The following ATP11A variants were observed in gnomAD, a reference collection of about 807,000 sequenced individuals.
The protein encoded by ATP11A is ATPase phospholipid transporting 11A, also known as phospholipid-transporting ATPase IH.
ATP11A carries 81 observed loss-of-function variants against 154.4 expected under a neutral mutation model. The ratio of observed to expected loss-of-function variants is 0.52; its 90% confidence interval spans 0.44 to 0.63. The LOEUF is 0.63. ATP11A is among the 30% of genes least tolerant of loss of function. The probability of loss-of-function intolerance (pLI) is 0.00; values close to 1 mark genes in which losing one functional copy is unlikely to be tolerated. For missense variants in ATP11A, 1,316 were observed against 1,474.3 expected (o/e 0.89, Z 1.76); for synonymous variants, 623 against 585.9 (o/e 1.06, Z -0.91).
At chr13:112,783,075 A>C (rs2140017033) in intron 1 of ATP11A, among the ~76,000 whole-genome samples, 1 of 152,302 alleles carries the variant, frequency 6.6e-6, no homozygotes, top group Non-Finnish European at 1.5e-5. Context: ...ATTGCAGGTG[A>C]ATTACCGATG....
intron 1 of ATP11A, among the ~76,000 whole-genome samples, chr13:112,728,376 G>A (rs1890112509): frequency 6.6e-6 from 1 of 150,828 alleles, no homozygotes; most frequent in African/African-American, 2.4e-5. Context: ...GTCCACGTGT[G>A]GAGGGGCCAT....
At chr13:112,866,025 G>T (rs1185561170) in intron 25 of ATP11A, among the ~76,000 whole-genome samples, 2 of 152,366 alleles carry the variant, frequency 1.3e-5, no homozygotes, top group Middle Eastern at 3.4e-3. Context: ...CCTCTGTGAT[G>T]AGTAGATTTG....
chr13:112,856,211 C>G, intron 20 of ATP11A, 126 bp downstream of exon 20: 1 of 950,436 alleles, frequency 1.1e-6, no homozygotes, highest in African/African-American at 1.7e-5. Context: ...AAAATAGAAG[C>G]AACCGTGATA....
chr13:112,723,587 T>C (rs1199610749), intron 1 of ATP11A, among the ~76,000 whole-genome samples: 1 of 151,348 alleles, frequency 6.6e-6, no homozygotes, highest in African/African-American at 2.4e-5. Flanking sequence ...GTATTCTGTT[T>C]GTTTTATGAT....
At chr13:112,760,633 T>C (rs1322433027) in intron 1 of ATP11A, among the ~76,000 whole-genome samples, 2 of 152,346 alleles carry the variant, frequency 1.3e-5, no homozygotes, top group East Asian at 3.9e-4. Flanking sequence ...CTGTTCCCTC[T>C]TCTTGCTCAG....
chr13:112,860,514 G>A (rs2080070813), intron 24 of ATP11A, 100 bp downstream of exon 24: 2 of 1,419,810 alleles, frequency 1.4e-6, no homozygotes, highest in East Asian at 4.6e-5. Context: ...TCAGTTGAGG[G>A]CCAGAAGCAT....
chr13:112,726,083 G>C (rs1164832525), intron 1 of ATP11A, among the ~76,000 whole-genome samples: 1 of 152,290 alleles, frequency 6.6e-6, no homozygotes, highest in African/African-American at 2.4e-5. Flanking sequence ...TCCTTGAAAA[G>C]AGGAGGCTTC....
intron 17 of ATP11A, among the ~76,000 whole-genome samples, chr13:112,849,366 A>G (rs2079698158): frequency 6.6e-6 from 1 of 152,140 alleles, no homozygotes; most frequent in South Asian, 2.1e-4. Flanking sequence ...TAGCAGGAGG[A>G]ATAGAGAAAA....
chr13:112,806,910 C>T (rs968913865), intron 4 of ATP11A, among the ~76,000 whole-genome samples: 11 of 152,210 alleles, frequency 7.2e-5, no homozygotes, highest in Non-Finnish European at 1.5e-4. Context: ...GTGACTGGCT[C>T]TTTCACTCAG....
chr13:112,697,754 A>C lies in ATP11A; in HGVS notation c.39+7299A>C, dbSNP rs1266085064. 1.0e-5 allele frequency among the ~76,000 whole-genome samples: 1 copy of C among 97,202 alleles called. No homozygotes were observed. Among genetic ancestry groups the C allele is most frequent in the African/African-American group, 4.6e-5 (1 of 21,908 alleles). The allele number at this position is 97,202 out of a possible 152,430, so 63.8% of individuals were successfully genotyped here. ...TTTTTTTTTTTTTTTTTTTTTTTTT[A>C]GTAGAGATGGGGTTTCACCATATTG... On this transcript the variant is annotated intron_variant, in intron 1 of 29. Transcript: ENST00000375645. The surrounding 1 kb of genome is among the most constrained non-coding windows in gnomAD (Gnocchi z 4.0).
At chr13:112,827,160 G>A (rs1448975188) in intron 12 of ATP11A, among the ~76,000 whole-genome samples, 1 of 152,188 alleles carries the variant, frequency 6.6e-6, no homozygotes, top group Non-Finnish European at 1.5e-5. Flanking sequence ...TGTGAATCAA[G>A]GCTGGTGGGT....
At chr13:112,742,201 A>T (rs796873313) in intron 1 of ATP11A, among the ~76,000 whole-genome samples, 30 of 152,328 alleles carry the variant, frequency 2.0e-4, no homozygotes, top group African/African-American at 6.5e-4. Flanking sequence ...TTTTTAAAAT[A>T]AGTGCAGGCT....
chr13:112,728,912 C>T (rs1411305036), intron 1 of ATP11A, among the ~76,000 whole-genome samples: 2 of 152,194 alleles, frequency 1.3e-5, no homozygotes, highest in African/African-American at 4.8e-5. Context: ...CGGCTTCCCT[C>T]CTGGGGGTGG....
intron 1 of ATP11A, among the ~76,000 whole-genome samples, chr13:112,758,161 A>C (rs563195039): frequency 6.6e-6 from 1 of 152,190 alleles, no homozygotes; most frequent in East Asian, 1.9e-4. Flanking sequence ...TCCCAGGTTC[A>C]AGCAATTCTC....
intron 1 of ATP11A, among the ~76,000 whole-genome samples, chr13:112,779,067 T>G (rs1455987947): frequency 6.6e-5 from 6 of 91,372 alleles, no homozygotes; most frequent in East Asian, 3.2e-4. Flanking sequence ...GCCGCTGGAG[T>G]GAGGAGTAGC....
At position 112,819,941 on chromosome 13, in the gene ATP11A, C is replaced by A; in HGVS notation, c.716C>A (p.Pro239His). The A allele has an allele frequency of 1.2e-6, 2 of 1,608,970 alleles. No homozygotes were observed. The highest frequency in any genetic ancestry group is 1.7e-6 in the Non-Finnish European group (2 of 1,177,528). ...AACGTTTACAGTGACCTGAATGACC[C>A]CGTGGTGAGGTGAGTGCCTCTGCGG... ...RINVYSDLND[P>H]VVRPLGSENL... Residue 239 changes from proline (P) to histidine (H), a missense_variant, in exon 8 of 30, where the codon CCC (proline) becomes CAC (histidine). Around this residue, in one of 5 missense-constraint regions of ATP11A, gnomAD observed 876 missense variants for 1,006.8 expected, o/e 0.87. Transcript: ENST00000375645.
intron 18 of ATP11A, among the ~76,000 whole-genome samples, chr13:112,852,563 G>C (rs1327369028): frequency 6.6e-6 from 1 of 152,198 alleles, no homozygotes; most frequent in Non-Finnish European, 1.5e-5. Context: ...CTGCGTCCTT[G>C]CTCTAGTGGC....
Position 112,855,966 on chromosome 13 carries a change from C to T in ATP11A, c.2299C>T (p.Leu767=), listed in dbSNP as rs920145564. The change falls in exon 20 of 30, where the codon CTG becomes TTG. Residue 767 remains leucine (L), a synonymous_variant. Coordinates refer to ENST00000375645, the MANE Select transcript of ATP11A (RefSeq NM_015205.3). The part of the protein sequence containing the change: ...GLIIDGAALS[L]IMKPREDGSS... ...AATTATCGACGGAGCTGCACTGTCTCTGATAATGAAGCCTCGAGAAGACGG... is the reference window on the plus strand; with the variant it reads ...AATTATCGACGGAGCTGCACTGTCTTTGATAATGAAGCCTCGAGAAGACGG... 2 of 1,614,090 alleles carry T rather than the reference C, an allele frequency of 1.2e-6. No homozygotes were observed. Among genetic ancestry groups the T allele is most frequent in the Non-Finnish European group, 1.7e-6 (2 of 1,180,052 alleles).
In ATP11A at chr13:112,882,515, T is replaced by C; in HGVS notation, c.*649T>C. Reference sequence around the variant, plus strand: ...TGTGGGAAGGGCCGGGTCACTCGGATACCATCATCCCTGCGGATGCACCGC... The same window carrying C: ...TGTGGGAAGGGCCGGGTCACTCGGACACCATCATCCCTGCGGATGCACCGC... On this transcript the variant is annotated 3_prime_UTR_variant, in exon 30 of 30. Transcript: ENST00000375645. The surrounding 1 kb of genome is among the most constrained non-coding windows in gnomAD (Gnocchi z 5.1). 2.2e-6 allele frequency: 1 copy of C among 458,070 alleles called. No homozygotes were observed. The highest frequency in any genetic ancestry group is 3.8e-6 in the Non-Finnish European group (1 of 263,108). 28.4% of individuals were successfully genotyped at this position (458,070 alleles called of 1,614,324 possible).
Sources: gnomAD v4.1 joint callset for allele counts (sites outside exome capture counted in the v4.1 genomes callset) on GRCh38, gnomAD v4.1.1 for gene constraint, gnomAD v4.1.1 regional missense constraint, Gnocchi (gnomAD v3.1) non-coding constraint, MANE v1.5 for transcripts, NCBI Gene and HGNC (gene_info 2026-07-23, HGNC 2026-07-21) for gene names.